Variants in PM20D1 observed in about 807,000 individuals in gnomAD.
PM20D1 encodes the protein N-fatty-acyl-amino acid synthase/hydrolase PM20D1.
Under a neutral mutation model 53.8 loss-of-function variants are expected in PM20D1, and 53 were observed. The observed-to-expected ratio is 0.98, with a 90% CI of 0.79 to 1.24. The LOEUF (loss-of-function observed/expected upper bound fraction) is 1.24, where lower values mean the gene tolerates loss of function less well. PM20D1 is among the 50% of genes most tolerant of loss of function. The pLI is 0.00. For missense variants in PM20D1, 564 were observed against 616.8 expected (o/e 0.91, Z 0.91); for synonymous variants, 239 against 241.3 (o/e 0.99, Z 0.09).
At chr1:205,845,804 C>T (rs555703830) in intron 2 of PM20D1, among the ~76,000 whole-genome samples, 1 of 152,330 alleles carries the variant, frequency 6.6e-6, no homozygotes, top group South Asian at 2.1e-4. Context: ...CCATTAAGGC[C>T]AGGCTTGGGG....
chr1:205,828,831 C>G, intron 12 of PM20D1, 88 bp from the exon 13 acceptor site: 1 of 1,517,066 alleles, frequency 6.6e-7, no homozygotes, highest in Non-Finnish European at 8.9e-7. Flanking sequence ...CCTTACTTCC[C>G]TCACCAACCC....
At chr1:205,843,179 C>T (rs998279911) in intron 6 of PM20D1, among the ~76,000 whole-genome samples, 4 of 152,206 alleles carry the variant, frequency 2.6e-5, no homozygotes, top group Non-Finnish European at 5.9e-5. Flanking sequence ...TGTCCTCCTG[C>T]CAGGACAGGT....
Position 205,845,529 on chromosome 1 carries a change from A to G in PM20D1, c.285T>C (p.Phe95=), listed in dbSNP as rs1052834244. ...ACTCTTCCACGACTTCATGCTGGAT[A>G]AAGCTGGTGCTGACCACTGTAGGAA... The part of the protein sequence containing the change: ...KVFPTVVSTS[F]IQHEVVEEYS... Residue 95 remains phenylalanine (F), a synonymous_variant, in exon 3 of 13, where the codon TTT becomes TTC. Coordinates refer to ENST00000367136, the MANE Select transcript of PM20D1 (RefSeq NM_152491.5). 1 of 1,614,228 alleles carries G rather than the reference A, an allele frequency of 6.2e-7. No individual in the cohort carries two copies. The highest frequency in any genetic ancestry group is 8.5e-7 in the Non-Finnish European group (1 of 1,180,034).
chr1:205,846,242 TG>T (rs1241829898), intron 2 of PM20D1, among the ~76,000 whole-genome samples: 1 of 151,750 alleles, frequency 6.6e-6, no homozygotes, highest in Non-Finnish European at 1.5e-5. Context: ...AAAAAACAGC[TG>T]GGCGTGGTGG....
At chr1:205,831,264 C>T (rs116182596) in intron 11 of PM20D1, among the ~76,000 whole-genome samples, 7 of 152,354 alleles carry the variant, frequency 4.6e-5, no homozygotes, top group Admixed American at 2.0e-4. Context: ...ATCTTCCACT[C>T]CTGGTTTCAA....
chr1:205,833,999 C>T (rs373043191), intron 10 of PM20D1, among the ~76,000 whole-genome samples: 3 of 151,626 alleles, frequency 2.0e-5, no homozygotes, highest in Admixed American at 2.0e-4. Flanking sequence ...AGGCATGCAC[C>T]ACTATGCCTG....
chr1:205,839,979 A>G (rs1051957600), intron 10 of PM20D1, among the ~76,000 whole-genome samples: 4 of 151,614 alleles, frequency 2.6e-5, no homozygotes, highest in Admixed American at 2.6e-4. Context: ...AGCCTACTAC[A>G]CTACTACATA....
chr1:205,828,537 A>C lies in PM20D1; in HGVS notation c.*83T>G, dbSNP rs1656489960. The C allele has an allele frequency of 6.4e-7, 1 of 1,559,946 alleles. No individual in the cohort carries two copies. ...ATGTTTTACAATGTGGTTTTGATCA[A>C]AAGTTTCATCAACACTAGCTTTCCC... On this transcript the variant is annotated 3_prime_UTR_variant, in exon 13 of 13. Transcript: ENST00000367136.
At chr1:205,847,763 C>G in intron 2 of PM20D1, 122 bp downstream of exon 2, 1 of 740,336 alleles carries the variant, frequency 1.4e-6, no homozygotes. Context: ...CTCTACTCTG[C>G]CTATGGGAAT....
At chr1:205,828,797 A>G (rs1226755279) in intron 12 of PM20D1, 54 bp from the exon 13 acceptor site, 1 of 1,606,220 alleles carries the variant, frequency 6.2e-7, no homozygotes. Flanking sequence ...GTGCCACAGC[A>G]CAAGTGTTAT....
At chr1:205,841,465 T>C (rs1656806224) in intron 9 of PM20D1, among the ~76,000 whole-genome samples, 1 of 152,182 alleles carries the variant, frequency 6.6e-6, no homozygotes, top group Non-Finnish European at 1.5e-5. Flanking sequence ...GACACAGTGC[T>C]ATTATTCTGA....
chr1:205,850,055 A>G lies in PM20D1; in HGVS notation c.18T>C (p.Val6=). The G allele has an allele frequency of 6.2e-7, 1 of 1,613,936 alleles. No individual in the cohort carries two copies. The highest frequency in any genetic ancestry group is 8.5e-7 in the Non-Finnish European group (1 of 1,179,826). Residue 6 remains valine, a synonymous_variant, in exon 1 of 13, where the codon GTT becomes GTC. Transcript: ENST00000367136. ...GCATAGCCACCAGGGCCAGCACGCA[A>G]ACGCACCGCTGAGCCATGCTTCTCT... MAQRC[V]CVLALVAMLL... is the part of the protein sequence containing the mutation.
At chr1:205,831,633 G>A (rs1275452635) in intron 11 of PM20D1, among the ~76,000 whole-genome samples, 3 of 149,946 alleles carry the variant, frequency 2.0e-5, no homozygotes, top group Non-Finnish European at 3.0e-5. Context: ...GGGCTGTCTC[G>A]GCTTACTGCA....
rs376949714 is a variant in PM20D1, at chr1:205,828,592, C to G, written c.*28G>C. On this transcript the variant is annotated 3_prime_UTR_variant, in exon 13 of 13. Transcript: ENST00000367136. The stretch of plus-strand genomic sequence containing the variant: ...GGGTTAGTCCTGTCCCGGGGTCGGG[C>G]ATGCCTAACCCAGCAGGCCCCTTGA... The G allele has an allele frequency of 1.9e-6, 3 of 1,613,380 alleles. No individual in the cohort carries two copies. The highest frequency in any genetic ancestry group is 2.5e-6 in the Non-Finnish European group (3 of 1,179,676).
chr1:205,841,975 T>C (rs986548470), intron 8 of PM20D1, 86 bp from the exon 9 acceptor site: 3 of 1,332,252 alleles, frequency 2.3e-6, no homozygotes, highest in African/African-American at 1.5e-5. Flanking sequence ...TTCCTGAACC[T>C]TGGGGATCTT....
At chr1:205,832,481 G>T in intron 11 of PM20D1, 117 bp downstream of exon 11, 1 of 1,133,724 alleles carries the variant, frequency 8.8e-7, no homozygotes. Flanking sequence ...CATCAGGAGG[G>T]GAAGCAGCCA....
chr1:205,842,105 G>T (rs1558093173), intron 8 of PM20D1, 49 bp downstream of exon 8: 3 of 1,545,386 alleles, frequency 1.9e-6, no homozygotes, highest in Admixed American at 3.3e-5. Context: ...CCTGGGGGGT[G>T]GGTAGGTTTG....
At chr1:205,834,066 TC>T in intron 10 of PM20D1, among the ~76,000 whole-genome samples, 1 of 151,902 alleles carries the variant, frequency 6.6e-6, no homozygotes, top group South Asian at 2.1e-4. Flanking sequence ...CAGGCTGGTC[TC>T]AAACTCCTGA....
At chr1:205,844,741 C>A in intron 4 of PM20D1, 70 bp downstream of exon 4, 1 of 1,423,340 alleles carries the variant, frequency 7.0e-7, no homozygotes, top group Non-Finnish European at 9.8e-7. Context: ...GCAAACTGGA[C>A]TAGGGTTAAG....
Sources: gnomAD v4.1 joint callset for allele counts (sites outside exome capture counted in the v4.1 genomes callset) on GRCh38, gnomAD v4.1.1 for gene constraint, MANE v1.5 for transcripts, NCBI Gene and HGNC (gene_info 2026-07-23, HGNC 2026-07-21) for gene names.